Variants in SHANK2 observed in about 807,000 individuals in gnomAD.
SHANK2 encodes the protein SH3 and multiple ankyrin repeat domains 2.
Under a neutral mutation model 133.7 loss-of-function variants are expected in SHANK2, and 43 were observed. That is an observed-to-expected ratio of 0.32 (90% CI 0.25 to 0.41). The LOEUF (loss-of-function observed/expected upper bound fraction) is 0.41, where lower values mean the gene tolerates loss of function less well. SHANK2 is among the 10% of genes least tolerant of loss of function. The pLI, the probability that SHANK2 is intolerant of heterozygous loss-of-function variation, is 1.00. For missense variants in SHANK2, 1,994 were observed against 2,235.8 expected (o/e 0.89, Z 2.18); for synonymous variants, 1,017 against 952.8 (o/e 1.07, Z -1.24).
intron 17 of SHANK2, among the ~76,000 whole-genome samples, chr11:70,592,567 C>T (rs556744753): frequency 2.0e-5 from 3 of 147,102 alleles, no homozygotes; most frequent in South Asian, 4.4e-4. Context: ...CCCTTCTGCC[C>T]AAGGCGGGTC....
intron 17 of SHANK2, among the ~76,000 whole-genome samples, chr11:70,651,610 A>T (rs373784605): frequency 6.6e-6 from 1 of 152,184 alleles, no homozygotes; most frequent in Non-Finnish European, 1.5e-5. Flanking sequence ...AAGGCCCCCA[A>T]TGCTATTACC....
intron 17 of SHANK2, among the ~76,000 whole-genome samples, chr11:70,522,961 C>T (rs1211525371): frequency 6.6e-6 from 1 of 152,228 alleles, no homozygotes; most frequent in African/African-American, 2.4e-5. Context: ...TCCCTCCAGA[C>T]CCGCAGCTCC....
At chr11:70,840,449 G>A (rs1555061343) in intron 11 of SHANK2, among the ~76,000 whole-genome samples, 2 of 152,210 alleles carry the variant, frequency 1.3e-5, no homozygotes, top group Non-Finnish European at 2.9e-5. Flanking sequence ...CCTTCAGGCT[G>A]CAAGATCCCC....
At chr11:70,677,392 A>C (rs1162150549) in intron 15 of SHANK2, among the ~76,000 whole-genome samples, 1 of 152,090 alleles carries the variant, frequency 6.6e-6, no homozygotes, top group African/African-American at 2.4e-5. Flanking sequence ...TCTATCCTTT[A>C]AGTGTTCCTA....
At chr11:70,943,016 C>T in intron 10 of SHANK2, 1 of 455,068 alleles carries the variant, frequency 2.2e-6, no homozygotes, top group Non-Finnish European at 4.4e-6. Context: ...TAATACAATA[C>T]AGAAAAGGTA....
chr11:71,201,077 T>C (rs1008328660), intron 2 of SHANK2, among the ~76,000 whole-genome samples: 15 of 151,650 alleles, frequency 9.9e-5, no homozygotes, highest in African/African-American at 3.6e-4. Context: ...GACACGACAG[T>C]GATGGTTTAA....
At chr11:71,155,604 G>A (rs188364079) in intron 2 of SHANK2, among the ~76,000 whole-genome samples, 20 of 152,162 alleles carry the variant, frequency 1.3e-4, no homozygotes, top group African/African-American at 4.1e-4. Flanking sequence ...CACCAATGCC[G>A]GGATTCAGTC....
chr11:70,691,352 G>C (rs1047107754), intron 15 of SHANK2, among the ~76,000 whole-genome samples: 1 of 152,112 alleles, frequency 6.6e-6, no homozygotes, highest in Non-Finnish European at 1.5e-5. Context: ...GGGACACTCA[G>C]GTCCCCCGTT....
chr11:70,806,508 GC>G (rs1230575518), intron 13 of SHANK2, among the ~76,000 whole-genome samples: 1 of 152,076 alleles, frequency 6.6e-6, no homozygotes, highest in Non-Finnish European at 1.5e-5. Flanking sequence ...GTTGACAATG[GC>G]CCCCCCAGAG....
intron 8 of SHANK2, among the ~76,000 whole-genome samples, chr11:71,085,639 A>AAC (rs1951376701): frequency 3.8e-5 from 2 of 52,126 alleles, no homozygotes; most frequent in African/African-American, 1.4e-4. Flanking sequence ...TAATATATAT[A>AAC]ATATATTATG....
chr11:70,481,121 G>A lies in SHANK2; in HGVS notation c.4979+4193C>T, dbSNP rs1363969954. On this transcript the variant is annotated intron_variant, in intron 25 of 25. Transcript: ENST00000601538. The stretch of plus-strand genomic sequence containing the variant: ...TGGAATAATCAGGCCAGGTGGTCCT[G>A]GAACACTTTTCTTAGAACTGACGCC... Among the ~76,000 whole-genome samples the A allele has an allele frequency of 4.6e-5, 7 of 152,316 alleles. No individual in the cohort carries two copies. In the East Asian group the frequency reaches 1.3e-3, roughly 29 times the overall value.
chr11:70,720,898 C>T (rs1191857633), intron 14 of SHANK2, among the ~76,000 whole-genome samples: 1 of 152,232 alleles, frequency 6.6e-6, no homozygotes, highest in Non-Finnish European at 1.5e-5. Context: ...CATCTGTACA[C>T]ACATGTTGGG....
At chr11:70,707,052 G>A (rs1371000060) in intron 14 of SHANK2, among the ~76,000 whole-genome samples, 1 of 152,100 alleles carries the variant, frequency 6.6e-6, no homozygotes, top group Non-Finnish European at 1.5e-5. Context: ...GGATGGGTTG[G>A]GAGGAGGTGG....
At chr11:70,659,994 T>G (rs1555012847) in intron 16 of SHANK2, 42 bp from the exon 17 acceptor site, 2 of 1,613,882 alleles carry the variant, frequency 1.2e-6, no homozygotes, top group Admixed American at 3.3e-5. Context: ...CTGGGAGATG[T>G]CTTCCAAGTT....
At chr11:71,183,249 G>C (rs1555114020) in intron 2 of SHANK2, among the ~76,000 whole-genome samples, 1 of 152,164 alleles carries the variant, frequency 6.6e-6, no homozygotes, top group African/African-American at 2.4e-5. Context: ...GAGGGACAAG[G>C]GGCAAAGGTG....
intron 9 of SHANK2, among the ~76,000 whole-genome samples, chr11:71,057,100 C>T (rs1027185240): frequency 6.6e-5 from 10 of 152,110 alleles, no homozygotes; most frequent in Non-Finnish European, 1.2e-4. Context: ...TTTGGGAGGT[C>T]GAGGTGGGCC....
chr11:70,925,704 T>C (rs1444496453), intron 10 of SHANK2, among the ~76,000 whole-genome samples: 5 of 152,224 alleles, frequency 3.3e-5, no homozygotes, highest in Admixed American at 2.6e-4. Flanking sequence ...TGAGAGGTGC[T>C]TGACCTCCCC....
chr11:70,710,046 G>A (rs1350813541), intron 14 of SHANK2, among the ~76,000 whole-genome samples: 3 of 152,122 alleles, frequency 2.0e-5, no homozygotes, highest in Non-Finnish European at 2.9e-5. Context: ...AAAGGGTGGG[G>A]CAGCAGAAGA....
chr11:71,089,776 G>C (rs923378161), intron 8 of SHANK2, among the ~76,000 whole-genome samples: 1 of 152,208 alleles, frequency 6.6e-6, no homozygotes, highest in African/African-American at 2.4e-5. Flanking sequence ...GAATGAGCGT[G>C]GCCAGGGCCA....
Sources: allele counts gnomAD v4.1 joint callset (sites outside exome capture counted in the v4.1 genomes callset), GRCh38; gene constraint gnomAD v4.1.1; transcripts MANE v1.5; gene names NCBI Gene and HGNC (gene_info 2026-07-23, HGNC 2026-07-21).